Variants in BAZ2B observed in about 807,000 individuals in gnomAD.
The protein encoded by BAZ2B is bromodomain adjacent to zinc finger domain protein 2B.
BAZ2B carries 91 observed loss-of-function variants against 246.0 expected under a neutral mutation model. The ratio of observed to expected loss-of-function variants is 0.37; its 90% CI spans 0.31 to 0.44. The LOEUF (loss-of-function observed/expected upper bound fraction) is 0.44, where lower values mean the gene tolerates loss of function less well. Ranked by LOEUF, BAZ2B falls within the 20% of genes least tolerant of loss-of-function variation. The pLI is 1.00. For missense variants in BAZ2B, 2,332 were observed against 2,533.7 expected (o/e 0.92, Z 1.71); for synonymous variants, 855 against 860.0 (o/e 0.99, Z 0.10).
intron 3 of BAZ2B, among the ~76,000 whole-genome samples, chr2:159,466,265 C>T (rs1290687289): frequency 6.6e-6 from 1 of 152,202 alleles, no homozygotes; most frequent in Non-Finnish European, 1.5e-5. Flanking sequence ...TGCATAGTCA[C>T]TTGATTATTA....
chr2:159,625,714 T>G, the BAZ2B span, among the ~76,000 whole-genome samples: 1 of 152,118 alleles, frequency 6.6e-6, no homozygotes, highest in African/African-American at 2.4e-5. Context: ...TACCAGCCAC[T>G]GCAAAAACAT....
At chr2:159,494,895 TAG>T (rs58929952) in intron 2 of BAZ2B, among the ~76,000 whole-genome samples, 119,327 of 151,870 alleles carry the variant, frequency 0.79, 47,461 homozygotes, top group Non-Finnish European at 0.86. Context: ...GTTTATACTC[TAG>T]AGTAGGTTGG....
rs200397037 is a variant in BAZ2B at position 159,329,550 on chromosome 2, C to T, written c.5943+2990G>A. Among the ~76,000 whole-genome samples the T allele has an allele frequency of 7.2e-5, 11 of 152,142 alleles. No homozygotes were observed. In the East Asian group the frequency reaches 1.2e-3, roughly 16 times the overall value. On this transcript the variant is annotated intron_variant, in intron 34 of 36. Coordinates refer to ENST00000392783, the MANE Select transcript of BAZ2B (RefSeq NM_013450.4). ...ATACATACATACACACACACATACA[C>T]GCAGAGTAAAAACAGTTAATCAGGA...
intron 13 of BAZ2B, among the ~76,000 whole-genome samples, chr2:159,415,157 G>A (rs955100150): frequency 6.6e-6 from 1 of 151,892 alleles, no homozygotes; most frequent in Non-Finnish European, 1.5e-5. Context: ...CAATGCTAGT[G>A]TATCTGCGGC....
rs762788790 is a variant in BAZ2B at position 159,332,840 on chromosome 2, G to A, written c.5797-154C>T. On this transcript the variant is annotated intron_variant, in intron 33 of 36. Transcript: ENST00000392783. ...AGCCATACACATCTATGTATCTTTC[G>A]TTACACAGATATGGACCACATGACG... 9.0e-5 allele frequency: 76 copies of A among 846,476 alleles called. 1 individual carries two copies. The highest frequency in any genetic ancestry group is 1.2e-4 in the Non-Finnish European group (65 of 558,446). The allele number at this position is 846,476 out of a possible 1,614,324, so 52.4% of individuals were successfully genotyped here.
At chr2:159,552,230 A>C (rs1353851245) in intron 2 of BAZ2B, among the ~76,000 whole-genome samples, 1 of 152,182 alleles carries the variant, frequency 6.6e-6, no homozygotes, top group African/African-American at 2.4e-5. Context: ...CATTATATTA[A>C]TAGGTCCAAT....
Position 159,478,587 on chromosome 2 carries a change from T to C in BAZ2B, c.133A>G (p.Ile45Val), listed in dbSNP as rs748114235. The C allele has an allele frequency of 6.7e-5, 107 of 1,608,118 alleles. No homozygotes were observed. The East Asian group carries it at 2.1e-3, about 32-fold the overall frequency. The change falls in exon 3 of 37, where the codon ATC becomes GTC. Residue 45 changes from isoleucine to valine, a missense_variant. This residue lies in a region of BAZ2B where 242 missense variants were observed against 237.4 expected (regional missense o/e 1.02). Coordinates refer to ENST00000392783, the MANE Select transcript of BAZ2B (RefSeq NM_013450.4). ...STGVASLSST[I>V]NPCGHLFRTA... ...AAAGGGTATTCACCACATGGGTTGA[T>C]TGTAGAGCTAAGTGAAGCAACTCCA...
intron 3 of BAZ2B, chr2:159,464,530 C>G (rs1442930418): frequency 6.6e-6 from 1 of 151,766 alleles, no homozygotes. Context: ...CTTGGTTAAG[C>G]TGGTATCTGC....
chr2:159,554,554 C>A (rs1368011942), intron 2 of BAZ2B, among the ~76,000 whole-genome samples: 2 of 151,700 alleles, frequency 1.3e-5, no homozygotes, highest in African/African-American at 4.8e-5. Context: ...AATAAAATTT[C>A]TCTCTAGTCT....
chr2:159,387,271 C>T (rs2062756329), intron 21 of BAZ2B, among the ~76,000 whole-genome samples: 1 of 152,092 alleles, frequency 6.6e-6, no homozygotes, highest in Non-Finnish European at 1.5e-5. Flanking sequence ...TTAAAATTAG[C>T]TATCTCTGTT....
At chr2:159,446,467 T>A (rs753198711) in intron 6 of BAZ2B, among the ~76,000 whole-genome samples, 4 of 152,230 alleles carry the variant, frequency 2.6e-5, no homozygotes, top group Non-Finnish European at 5.9e-5. Flanking sequence ...AGTCACTTAG[T>A]GGCTAATTAT....
chr2:159,651,042 AC>A, the BAZ2B span, among the ~76,000 whole-genome samples: 1 of 151,704 alleles, frequency 6.6e-6, no homozygotes, highest in Admixed American at 6.6e-5. Context: ...CCTTTTATTA[AC>A]TAGCCTTAAA....
chr2:159,546,391 C>G (rs2087354489), intron 2 of BAZ2B, among the ~76,000 whole-genome samples: 1 of 151,210 alleles, frequency 6.6e-6, no homozygotes. Flanking sequence ...ATTCTGAGGT[C>G]TCCCCAGCCA....
chr2:159,617,319 C>T (rs1696200751), upstream of BAZ2B, among the ~76,000 whole-genome samples: 1 of 152,086 alleles, frequency 6.6e-6, no homozygotes, highest in South Asian at 2.1e-4. Flanking sequence ...CTTCCACTCC[C>T]CCAACCCCAA....
At chr2:159,573,971 T>C (rs889159530) in intron 1 of BAZ2B, among the ~76,000 whole-genome samples, 2 of 152,042 alleles carry the variant, frequency 1.3e-5, no homozygotes, top group African/African-American at 2.4e-5. Context: ...TGTGTTGGCA[T>C]GTGCCCATAG....
rs773237845 is a variant in BAZ2B, at chr2:159,397,397, A to G, written c.2965-8T>C. 1 of 1,526,020 alleles carries G rather than the reference A, an allele frequency of 6.6e-7. No homozygotes were observed. Among genetic ancestry groups the G allele is most frequent in the African/African-American group, 1.4e-5 (1 of 72,100 alleles). 94.5% of individuals were successfully genotyped at this position (1,526,020 alleles called of 1,614,324 possible). ...TCTTCTCATTTCTTTTTCCTTAAAA[A>G]TAAGAAACTTTTAATACGTGATTTT... On this transcript the variant is annotated splice_polypyrimidine_tract_variant and splice_region_variant and intron_variant, in intron 18 of 36. Coordinates refer to ENST00000392783, the MANE Select transcript of BAZ2B (RefSeq NM_013450.4).
intron 21 of BAZ2B, among the ~76,000 whole-genome samples, chr2:159,389,121 CCAACCAAA>C (rs957350136): frequency 1.3e-4 from 20 of 151,254 alleles, no homozygotes; most frequent in East Asian, 1.9e-4. Flanking sequence ...AACCAACCAA[CCAACCAAA>C]CAAACAAACA....
chr2:159,582,928 T>G (rs758387817), intron 1 of BAZ2B, among the ~76,000 whole-genome samples: 1 of 152,102 alleles, frequency 6.6e-6, no homozygotes, highest in Non-Finnish European at 1.5e-5. Context: ...ATTTGCCTAT[T>G]TTGTTTATGA....
intron 27 of BAZ2B, among the ~76,000 whole-genome samples, chr2:159,353,581 C>T (rs370904735): frequency 6.6e-6 from 1 of 152,190 alleles, no homozygotes. Flanking sequence ...CTCCAGTGAT[C>T]TGCAGAGGAA....
Sources: gnomAD v4.1 joint callset for allele counts (sites outside exome capture counted in the v4.1 genomes callset) on GRCh38, gnomAD v4.1.1 for gene constraint, gnomAD v4.1.1 regional missense constraint, MANE v1.5 for transcripts, NCBI Gene and HGNC (gene_info 2026-07-23, HGNC 2026-07-21) for gene names.